The following DLG2 variants were observed in gnomAD, a reference collection of about 807,000 sequenced individuals.
DLG2 encodes discs large MAGUK scaffold protein 2, also known as disks large homolog 2.
A neutral mutation model predicts 132.5 loss-of-function variants in DLG2; 45 were observed. That is an observed-to-expected ratio of 0.34 (90% confidence interval 0.27 to 0.44). The LOEUF is 0.44. Ranked by LOEUF, DLG2 falls within the 20% of genes least tolerant of loss-of-function variation. The probability of loss-of-function intolerance (pLI) is 1.00; values close to 1 mark genes in which losing one functional copy is unlikely to be tolerated. For missense variants in DLG2, 1,045 were observed against 1,196.9 expected (o/e 0.87, Z 1.87); for synonymous variants, 424 against 419.6 (o/e 1.01, Z -0.13).
intron 2 of DLG2, among the ~76,000 whole-genome samples, chr11:85,608,748 T>C (rs1371871885): frequency 2.0e-5 from 3 of 152,146 alleles, no homozygotes; most frequent in Admixed American, 6.5e-5. Context: ...CCCTCTCTGA[T>C]TTAAAGCAGA....
intron 7 of DLG2, among the ~76,000 whole-genome samples, chr11:84,297,900 A>T (rs2098112072): frequency 6.6e-6 from 1 of 151,986 alleles, no homozygotes; most frequent in Non-Finnish European, 1.5e-5. Context: ...TATCTGTAAC[A>T]CCACCCAAGA....
At chr11:85,232,265 G>T (rs2075341089) in intron 4 of DLG2, among the ~76,000 whole-genome samples, 1 of 151,692 alleles carries the variant, frequency 6.6e-6, no homozygotes, top group South Asian at 2.1e-4. Flanking sequence ...CATAAAAGTA[G>T]GTCTGATATA....
rs183841792 is a variant in DLG2 at position 85,278,515 on chromosome 11, G to T, written c.186+6705C>A. Among the ~76,000 whole-genome samples, 80 of 152,070 alleles carry T rather than the reference G, an allele frequency of 5.3e-4. No individual in the cohort carries two copies. In the East Asian group the frequency reaches 6.8e-3, roughly 13 times the overall value. On this transcript the variant is annotated intron_variant, in intron 4 of 27. Transcript: ENST00000376104. ...CTCAGGAGGCTGAGGCGGGAGAATC[G>T]CTTGAACCTGGGAGGTGGAGATTGC... is the stretch of plus-strand genomic sequence containing the variant.
At chr11:85,617,720 G>T (rs945510633) in intron 2 of DLG2, among the ~76,000 whole-genome samples, 2 of 152,148 alleles carry the variant, frequency 1.3e-5, no homozygotes, top group African/African-American at 4.8e-5. Flanking sequence ...TTACCTATGA[G>T]AGATGTTTAA....
intron 18 of DLG2, among the ~76,000 whole-genome samples, chr11:83,751,950 A>G (rs2093336784): frequency 6.6e-6 from 1 of 152,234 alleles, no homozygotes; most frequent in East Asian, 1.9e-4. Flanking sequence ...GCATGAGATC[A>G]GCAAGGGAGT....
At chr11:84,117,276 T>C (rs2093679738) in intron 9 of DLG2, among the ~76,000 whole-genome samples, 1 of 152,232 alleles carries the variant, frequency 6.6e-6, no homozygotes, top group African/African-American at 2.4e-5. Flanking sequence ...CTGCTTTAGT[T>C]TTTAGCCTAA....
At chr11:85,368,605 A>C (rs554143888) in intron 3 of DLG2, among the ~76,000 whole-genome samples, 16 of 152,334 alleles carry the variant, frequency 1.1e-4, no homozygotes, top group Admixed American at 1.0e-3. Context: ...AACGAGGTGT[A>C]CTACCCAGAT....
intron 6 of DLG2, among the ~76,000 whole-genome samples, chr11:84,815,778 G>C (rs936979809): frequency 6.6e-6 from 1 of 151,996 alleles, no homozygotes; most frequent in Non-Finnish European, 1.5e-5. Context: ...TCTATTAACT[G>C]GGAGGAATGC....
At chr11:83,936,903 T>C (rs75993653) in intron 14 of DLG2, among the ~76,000 whole-genome samples, 1 of 152,168 alleles carries the variant, frequency 6.6e-6, no homozygotes, top group East Asian at 1.9e-4. Flanking sequence ...TTCTGAAAGA[T>C]GTTTAAACAA....
chr11:85,151,636 A>T lies in DLG2; in HGVS notation c.282+2920T>A, dbSNP rs115943967. Reference sequence around the variant, plus strand: ...TCCAGTTTTCCCACCACCATTTGTTAAATAAACTATCCTTTCCCCAGTGGT... The same window carrying T: ...TCCAGTTTTCCCACCACCATTTGTTTAATAAACTATCCTTTCCCCAGTGGT... On this transcript the variant is annotated intron_variant, in intron 5 of 27. Coordinates refer to ENST00000376104, the MANE Select transcript of DLG2 (RefSeq NM_001142699.3). Among the ~76,000 whole-genome samples, 465 of 152,308 alleles carry T rather than the reference A, an allele frequency of 3.1e-3. 1 individual carries two copies. Among genetic ancestry groups the T allele is most frequent in the African/African-American group, 0.011 (451 of 41,580 alleles).
intron 4 of DLG2, among the ~76,000 whole-genome samples, chr11:85,281,487 T>C (rs755710300): frequency 4.6e-5 from 7 of 151,994 alleles, no homozygotes; most frequent in Admixed American, 2.0e-4. Flanking sequence ...GTTCAACAGA[T>C]CCAGGCAAAA....
chr11:85,114,352 A>C (rs2073225863), intron 5 of DLG2, among the ~76,000 whole-genome samples: 1 of 151,968 alleles, frequency 6.6e-6, no homozygotes, highest in Non-Finnish European at 1.5e-5. Flanking sequence ...TAAGCCAAAA[A>C]TCAAGGGAGA....
At position 83,852,530 on chromosome 11, in the gene DLG2, T is replaced by C. The variant is rs545016325; in HGVS notation, c.1566-18760A>G. 9.6e-4 allele frequency among the ~76,000 whole-genome samples: 146 copies of C among 152,300 alleles called. 1 individual carries two copies. The highest frequency in any genetic ancestry group is 1.6e-3 in the Non-Finnish European group (111 of 68,022). ...AAAAAAGACAAAGGACTACCATGAATGCATCATTAATTACTATTACTGAAA... is the reference window on the plus strand; with the variant it reads ...AAAAAAGACAAAGGACTACCATGAACGCATCATTAATTACTATTACTGAAA... On this transcript the variant is annotated intron_variant, in intron 16 of 27. Coordinates refer to ENST00000376104, the MANE Select transcript of DLG2 (RefSeq NM_001142699.3).
At chr11:85,590,359 C>T (rs1055507078) in intron 3 of DLG2, among the ~76,000 whole-genome samples, 3 of 152,142 alleles carry the variant, frequency 2.0e-5, no homozygotes, top group African/African-American at 7.2e-5. Context: ...GAAATATAAA[C>T]AAATACCATA....
intron 6 of DLG2, among the ~76,000 whole-genome samples, chr11:84,912,956 G>C (rs978213818): frequency 6.6e-6 from 1 of 152,214 alleles, no homozygotes; most frequent in African/African-American, 2.4e-5. Flanking sequence ...AGAGGACAGA[G>C]GGAGATTAGG....
At chr11:84,870,326 G>A (rs535211822) in intron 6 of DLG2, among the ~76,000 whole-genome samples, 2 of 152,222 alleles carry the variant, frequency 1.3e-5, no homozygotes, top group South Asian at 2.1e-4. Context: ...GATGTCAGAG[G>A]TTAAATTGAA....
rs1592028712 is a variant in DLG2, at chr11:84,545,366, C to T, written c.358-10635G>A. On this transcript the variant is annotated intron_variant, in intron 6 of 27. Coordinates refer to ENST00000376104, the MANE Select transcript of DLG2 (RefSeq NM_001142699.3). Reference sequence around the variant, plus strand: ...CCATCATTTACAAATCCATTATAGCCATCCCACTGCCACCATATCCACAAC... The same window carrying T: ...CCATCATTTACAAATCCATTATAGCTATCCCACTGCCACCATATCCACAAC... 1.3e-5 allele frequency: 7 copies of T among 523,544 alleles called. 1 individual carries two copies. The highest frequency in any genetic ancestry group is 1.0e-4 in the South Asian group (7 of 66,972). The allele number at this position is 523,544 out of a possible 1,614,324, so 32.4% of individuals were successfully genotyped here.
chr11:84,737,960 A>ACAAC (rs2064081381), intron 6 of DLG2, among the ~76,000 whole-genome samples: 1 of 152,068 alleles, frequency 6.6e-6, no homozygotes, highest in Non-Finnish European at 1.5e-5. Context: ...AGGAGGCATT[A>ACAAC]TTCCGTTTGG....
At chr11:84,131,726 G>A (rs1376322930) in intron 9 of DLG2, among the ~76,000 whole-genome samples, 1 of 151,890 alleles carries the variant, frequency 6.6e-6, no homozygotes, top group Non-Finnish European at 1.5e-5. Flanking sequence ...AAGAAATCAG[G>A]AAACAAAAGG....
Sources: allele counts gnomAD v4.1 joint callset (sites outside exome capture counted in the v4.1 genomes callset), GRCh38; gene constraint gnomAD v4.1.1; transcripts MANE v1.5; gene names NCBI Gene and HGNC (gene_info 2026-07-23, HGNC 2026-07-21).